Variants in DHX37 observed in about 807,000 individuals in gnomAD.
The protein encoded by DHX37 is probable ATP-dependent RNA helicase DHX37.
A neutral mutation model predicts 134.3 loss-of-function variants in DHX37; 52 were observed. The ratio of observed to expected loss-of-function variants is 0.39; its 90% CI spans 0.31 to 0.49. DHX37 has a LOEUF of 0.49. DHX37 is among the 20% of genes least tolerant of loss of function. DHX37 has a pLI of 0.93. For synonymous variants in DHX37, 634 were observed against 670.7 expected (o/e 0.95, Z 0.85); for missense variants, 1,344 against 1,580.8 (o/e 0.85, Z 2.54).
chr12:124,966,726 G>A, intron 12 of DHX37, 67 bp downstream of exon 12: 1 of 1,504,726 alleles, frequency 6.6e-7, no homozygotes, highest in Non-Finnish European at 9.2e-7. Flanking sequence ...GCCACATGGG[G>A]CTGGTAGCTG....
intron 16 of DHX37, 147 bp downstream of exon 16, chr12:124,960,165 A>G (rs1594482060): frequency 7.3e-7 from 1 of 1,363,714 alleles, no homozygotes; most frequent in East Asian, 2.3e-5. Context: ...GGAGCCCAGA[A>G]GCCCTGGGAG....
chr12:124,972,293 T>C (rs1212695517), intron 7 of DHX37, among the ~76,000 whole-genome samples: 2 of 152,226 alleles, frequency 1.3e-5, no homozygotes, highest in Non-Finnish European at 2.9e-5. Flanking sequence ...CAACTTCCGC[T>C]TCAAAATGAT....
rs545854562 is a variant in DHX37 at position 124,962,140 on chromosome 12, G to A, written c.2046-1717C>T. Among the ~76,000 whole-genome samples, 11 of 151,948 alleles carry A rather than the reference G, an allele frequency of 7.2e-5. No individual in the cohort carries two copies. The East Asian group carries it at 2.1e-3, about 29-fold the overall frequency. ...CGAAGACTGCTTGAGCCCAGGAGGC[G>A]GAGGCTGCAGTGAGCTATACTTGGG... On this transcript the variant is annotated intron_variant, in intron 15 of 26. Coordinates refer to ENST00000308736, the MANE Select transcript of DHX37 (RefSeq NM_032656.4).
chr12:124,954,704 C>A (rs1182973994), intron 18 of DHX37, among the ~76,000 whole-genome samples: 1 of 152,124 alleles, frequency 6.6e-6, no homozygotes, highest in Non-Finnish European at 1.5e-5. Flanking sequence ...GGCCACTGCA[C>A]CATTTTTAGG....
chr12:124,981,016 T>C (rs1202085893), intron 3 of DHX37, among the ~76,000 whole-genome samples, 178 bp from the exon 4 acceptor site: 2 of 152,092 alleles, frequency 1.3e-5, no homozygotes, highest in Admixed American at 6.6e-5. Flanking sequence ...AAGCACTAGC[T>C]GTCAGGGAGA....
chr12:124,966,212 G>A (rs1451933209), intron 12 of DHX37, among the ~76,000 whole-genome samples: 1 of 152,214 alleles, frequency 6.6e-6, no homozygotes, highest in Non-Finnish European at 1.5e-5. Context: ...GGGAGTACAG[G>A]TGCACACCAC....
At position 124,960,342 on chromosome 12, in the gene DHX37, G is replaced by A. The variant is rs1234798915; in HGVS notation, c.2127C>T (p.Ile709=). Residue 709 remains isoleucine, a synonymous_variant, in exon 16 of 27, where the codon ATC becomes ATT. Transcript: ENST00000308736. The part of the protein sequence containing the change: ...EITRRPVEDL[I]LQMKALNVEK... Reference sequence around the variant, plus strand: ...CAACGTTGAGCGCCTTCATTTGAAGGATTAAGTCTTCAACAGGCCTCCGGG... The same window carrying A: ...CAACGTTGAGCGCCTTCATTTGAAGAATTAAGTCTTCAACAGGCCTCCGGG... 1.9e-6 allele frequency: 3 copies of A among 1,614,018 alleles called. No homozygotes were observed. The African/African-American group carries it at 4.0e-5, about 22-fold the overall frequency.
rs1244336135 is a variant in DHX37 at position 124,972,539 on chromosome 12, G to T, written c.1041C>A (p.Phe347Leu). 3 of 1,614,090 alleles carry T rather than the reference G, an allele frequency of 1.9e-6. No individual in the cohort carries two copies. Among genetic ancestry groups the T allele is most frequent in the Non-Finnish European group, 2.5e-6 (3 of 1,180,040 alleles). The change falls in exon 7 of 27, where the codon TTC becomes TTA. Residue 347 changes from phenylalanine (F) to leucine (L), a missense_variant. Phe to Leu is a conservative substitution (Grantham distance 22, BLOSUM62 0). Around this residue, in one of 7 missense-constraint regions of DHX37, gnomAD observed 30 missense variants for 72.5 expected, o/e 0.41. Transcript: ENST00000308736. ...GNVTEETRIK[F>L]MTDGVLLKEI... ...CTTTAAGCAGCACACCATCCGTCATGAACTTGATTCTGGTCTCCTCTGTCA... is the reference window on the plus strand; with the variant it reads ...CTTTAAGCAGCACACCATCCGTCATTAACTTGATTCTGGTCTCCTCTGTCA...
intron 1 of DHX37, among the ~76,000 whole-genome samples, chr12:124,988,391 C>A (rs1295265822): frequency 1.3e-5 from 2 of 152,158 alleles, no homozygotes; most frequent in African/African-American, 4.8e-5. Context: ...CTCACTATAG[C>A]CGCATAAATT....
At chr12:124,963,096 C>G (rs140332998) in intron 15 of DHX37, among the ~76,000 whole-genome samples, 14 of 152,270 alleles carry the variant, frequency 9.2e-5, no homozygotes, top group African/African-American at 3.4e-4. Context: ...GTGAAAACAA[C>G]CAAACGTCCA....
rs1460906071 is a variant in DHX37 at position 124,967,162 on chromosome 12, G to C, written c.1465C>G (p.Leu489Val). 6.2e-7 allele frequency: 1 copy of C among 1,613,846 alleles called. No homozygotes were observed. The highest frequency in any genetic ancestry group is 1.1e-5 in the South Asian group (1 of 91,086). The change falls in exon 11 of 27, where the codon CTC becomes GTC. Residue 489 changes from leucine to valine, a missense_variant. Physicochemically the swap from Leu to Val is conservative, Grantham distance 32. Around this residue, in one of 7 missense-constraint regions of DHX37, gnomAD observed 289 missense variants for 323.8 expected, o/e 0.89. Transcript: ENST00000308736. Reference protein sequence around the residue: ...QAEVHALCRRLRKAFPPSRAR... With the variant: ...QAEVHALCRRVRKAFPPSRAR... ...CTGGAGGGTGGGAAAGCCTTCCTGA[G>C]CCTGCGGCACAGCGCATGCACCTCA...
At chr12:124,960,684 C>T (rs1052108209) in intron 15 of DHX37, among the ~76,000 whole-genome samples, 5 of 152,070 alleles carry the variant, frequency 3.3e-5, no homozygotes, top group East Asian at 1.9e-4. Flanking sequence ...CTGGGTGTGG[C>T]GGCACACACC....
chr12:124,986,068 T>C (rs2135974652), intron 2 of DHX37, 28 bp downstream of exon 2: 3 of 1,612,068 alleles, frequency 1.9e-6, no homozygotes, highest in East Asian at 2.2e-5. Flanking sequence ...GGAGAGCCAC[T>C]TGCAGACCCT....
At chr12:124,948,461 A>C in intron 25 of DHX37, 2 of 537,806 alleles carry the variant, frequency 3.7e-6, no homozygotes, top group Non-Finnish European at 6.5e-6. Context: ...AAAACAAACA[A>C]ACTGGCTGAG....
intron 9 of DHX37, 50 bp from the exon 10 acceptor site, chr12:124,968,698 G>A: frequency 5.0e-6 from 8 of 1,612,474 alleles, no homozygotes; most frequent in Non-Finnish European, 6.8e-6. Flanking sequence ...ACGAGCTTCG[G>A]CCCAGGGCTG....
rs546163521 is a variant in DHX37 at position 124,951,423 on chromosome 12, T to C, written c.2869-619A>G. Among the ~76,000 whole-genome samples, 9 of 152,194 alleles carry C rather than the reference T, an allele frequency of 5.9e-5. No homozygotes were observed. In the South Asian group the frequency reaches 1.5e-3, roughly 25 times the overall value. ...ATGCCAAATGTCCAGAACAGGCAGA[T>C]CCACAGATGGAAAGCAGGATCATGA... On this transcript the variant is annotated intron_variant, in intron 21 of 26. Coordinates refer to ENST00000308736, the MANE Select transcript of DHX37 (RefSeq NM_032656.4).
At chr12:124,968,408 A>G in intron 10 of DHX37, 126 bp downstream of exon 10, 3 of 1,475,616 alleles carry the variant, frequency 2.0e-6, no homozygotes, top group Non-Finnish European at 2.7e-6. Flanking sequence ...ATAAGTGAGG[A>G]AGCCGAGGCC....
At chr12:124,975,887 T>A (rs1954629260) in intron 5 of DHX37, among the ~76,000 whole-genome samples, 1 of 152,160 alleles carries the variant, frequency 6.6e-6, no homozygotes, top group Non-Finnish European at 1.5e-5. Flanking sequence ...GCAGCTGCTC[T>A]CCCTCGAAAG....
intron 15 of DHX37, among the ~76,000 whole-genome samples, chr12:124,962,534 T>C (rs1299165590): frequency 1.3e-5 from 2 of 152,142 alleles, no homozygotes; most frequent in African/African-American, 4.8e-5. Flanking sequence ...TGGGCACCTG[T>C]AATCTCAGCT....
Sources: allele counts gnomAD v4.1 joint callset (sites outside exome capture counted in the v4.1 genomes callset), GRCh38; gene constraint gnomAD v4.1.1; regional missense constraint gnomAD v4.1.1; transcripts MANE v1.5; gene names NCBI Gene and HGNC (gene_info 2026-07-23, HGNC 2026-07-21).